RTN4RL1: variants seen among roughly 807,000 people sequenced by gnomAD.
RTN4RL1 encodes the protein reticulon 4 receptor like 1, also known as reticulon-4 receptor-like 1.
Under a neutral mutation model 25.6 loss-of-function variants are expected in RTN4RL1, and 7 were observed. The ratio of observed to expected loss-of-function variants is 0.27; its 90% CI spans 0.16 to 0.51. The LOEUF (loss-of-function observed/expected upper bound fraction) is 0.51, where lower values mean the gene tolerates loss of function less well. Ranked by LOEUF, RTN4RL1 falls within the 20% of genes least tolerant of loss-of-function variation. The pLI is 0.97. For missense variants in RTN4RL1, 500 were observed against 615.6 expected (o/e 0.81, Z 1.99); for synonymous variants, 297 against 288.2 (o/e 1.03, Z -0.31).
chr17:2,007,945 C>A (rs2067012034), intron 1 of RTN4RL1, among the ~76,000 whole-genome samples: 2 of 147,122 alleles, frequency 1.4e-5, no homozygotes, highest in African/African-American at 5.0e-5. Context: ...GACTCCGTCT[C>A]AAAAAAAACC....
Position 1,998,610 on chromosome 17 carries a change from C to G in RTN4RL1, c.13+26243G>C, listed in dbSNP as rs1202535190. On this transcript the variant is annotated intron_variant, in intron 1 of 1. Coordinates refer to ENST00000331238, the MANE Select transcript of RTN4RL1 (RefSeq NM_178568.4). The surrounding 1 kb of genome is among the most constrained non-coding windows in gnomAD (Gnocchi z 4.9). ...GAACGCTGAGGCGGAGGGTGGGGGA[C>G]GTGGGGCCGGCTCGCCTCCTCCTGG... is the stretch of plus-strand genomic sequence containing the variant. 6.6e-6 allele frequency among the ~76,000 whole-genome samples: 1 copy of G among 152,062 alleles called. No homozygotes were observed. The highest frequency in any genetic ancestry group is 1.5e-5 in the Non-Finnish European group (1 of 67,984).
chr17:1,945,678 TC>T (rs1192233042), intron 1 of RTN4RL1, among the ~76,000 whole-genome samples: 1 of 152,134 alleles, frequency 6.6e-6, no homozygotes, highest in Non-Finnish European at 1.5e-5. Context: ...CCCACAGCAT[TC>T]CCCCTCTTCT....
intron 1 of RTN4RL1, among the ~76,000 whole-genome samples, chr17:1,961,267 G>T (rs1388572241): frequency 6.6e-6 from 1 of 152,210 alleles, no homozygotes; most frequent in South Asian, 2.1e-4. Context: ...CGAAGGGAAG[G>T]GGGGCCTGGA....
chr17:2,014,883 T>C (rs1403912825), intron 1 of RTN4RL1, among the ~76,000 whole-genome samples: 1 of 149,816 alleles, frequency 6.7e-6, no homozygotes, highest in East Asian at 1.9e-4. Context: ...AGAAGTTCGG[T>C]AGACCTGGAG....
chr17:1,985,339 C>A (rs1481303391), intron 1 of RTN4RL1, among the ~76,000 whole-genome samples: 1 of 152,236 alleles, frequency 6.6e-6, no homozygotes, highest in African/African-American at 2.4e-5. Flanking sequence ...ACCTTTGGAA[C>A]CTCTTGGGAT....
chr17:1,997,594 C>T (rs150365824), intron 1 of RTN4RL1, among the ~76,000 whole-genome samples: 4 of 152,340 alleles, frequency 2.6e-5, no homozygotes, highest in South Asian at 4.1e-4. Context: ...GAGGATGTCA[C>T]CGTCCCCTCT....
intron 1 of RTN4RL1, among the ~76,000 whole-genome samples, chr17:2,002,638 CCCTT>C (rs201173849): frequency 1.3e-3 from 199 of 152,102 alleles, no homozygotes; most frequent in African/African-American, 3.0e-3. Flanking sequence ...CTCCCTCCCT[CCCTT>C]CCTTCCTTCC....
At chr17:1,961,534 G>A (rs905065529) in intron 1 of RTN4RL1, among the ~76,000 whole-genome samples, 1 of 151,944 alleles carries the variant, frequency 6.6e-6, no homozygotes, top group Non-Finnish European at 1.5e-5. Flanking sequence ...ACACGTAAGG[G>A]ACTGAGAGGA....
intron 1 of RTN4RL1, among the ~76,000 whole-genome samples, chr17:2,004,502 G>A (rs183764673): frequency 9.2e-5 from 14 of 152,258 alleles, no homozygotes; most frequent in Admixed American, 5.9e-4. Flanking sequence ...CAGAGACAAG[G>A]AAGAAGTGGC....
At chr17:1,995,357 C>T (rs551999076) in intron 1 of RTN4RL1, among the ~76,000 whole-genome samples, 2 of 146,294 alleles carry the variant, frequency 1.4e-5, no homozygotes, top group East Asian at 2.0e-4. Flanking sequence ...ACTCGGGAGG[C>T]GGAGGTTGCA....
At chr17:1,960,600 C>T (rs759863104) in intron 1 of RTN4RL1, among the ~76,000 whole-genome samples, 8 of 152,260 alleles carry the variant, frequency 5.3e-5, no homozygotes, top group Non-Finnish European at 1.5e-5. Context: ...CATTTTAAAG[C>T]GTACAATTCA....
At chr17:1,963,359 T>C (rs1199850581) in intron 1 of RTN4RL1, among the ~76,000 whole-genome samples, 1 of 152,218 alleles carries the variant, frequency 6.6e-6, no homozygotes, top group African/African-American at 2.4e-5. Flanking sequence ...GGAGAGGCCC[T>C]TGCCCAAAGC....
chr17:1,969,248 A>G (rs934187368), intron 1 of RTN4RL1, among the ~76,000 whole-genome samples: 1 of 151,858 alleles, frequency 6.6e-6, no homozygotes, highest in African/African-American at 2.4e-5. Context: ...TAGTAGAGAC[A>G]GGATTTCACC....
intron 1 of RTN4RL1, among the ~76,000 whole-genome samples, chr17:1,957,006 C>T (rs1267713373): frequency 6.6e-6 from 1 of 152,236 alleles, no homozygotes; most frequent in Non-Finnish European, 1.5e-5. Context: ...TCCCAAAGTG[C>T]TGGGATTACA....
intron 1 of RTN4RL1, among the ~76,000 whole-genome samples, chr17:2,024,489 G>A (rs553158873): frequency 7.6e-4 from 115 of 152,208 alleles, no homozygotes; most frequent in Middle Eastern, 3.4e-3. Flanking sequence ...GCAGAAGCAA[G>A]GGCGTGTGCC....
rs1428316572 is a variant in RTN4RL1, at chr17:1,937,618, G to A, written c.204C>T (p.Leu68=). The change falls in exon 2 of 2, where the codon CTC becomes CTT. Residue 68 remains leucine (L), a synonymous_variant. Transcript: ENST00000331238. The stretch of plus-strand genomic sequence containing the variant: ...CGGGGCTGAAGTGGCCGGGCTGGAG[G>A]AGGCCGATGCGGTTGTTCTGCAGGA... The part of the protein sequence containing the change: ...RVFLQNNRIG[L]LQPGHFSPAM... 9 of 1,613,826 alleles carry A rather than the reference G, an allele frequency of 5.6e-6. No individual in the cohort carries two copies. Among genetic ancestry groups the A allele is most frequent in the African/African-American group, 1.3e-5 (1 of 74,918 alleles).
intron 1 of RTN4RL1, among the ~76,000 whole-genome samples, chr17:2,000,400 T>C (rs963462888): frequency 6.6e-6 from 1 of 152,052 alleles, no homozygotes; most frequent in Non-Finnish European, 1.5e-5. Context: ...CAGGCTGGAG[T>C]GCAGCGGCAT....
intron 1 of RTN4RL1, among the ~76,000 whole-genome samples, chr17:1,961,157 A>G (rs998126731): frequency 1.3e-5 from 2 of 152,336 alleles, no homozygotes; most frequent in South Asian, 2.1e-4. Flanking sequence ...CCGGTTCACT[A>G]TCAAGCACTC....
intron 1 of RTN4RL1, among the ~76,000 whole-genome samples, chr17:1,938,304 G>GAATTT (rs1383685448): frequency 1.3e-5 from 2 of 151,884 alleles, no homozygotes; most frequent in Non-Finnish European, 2.9e-5. Context: ...ATTTTTTATT[G>GAATTT]AATTTAATTT....
Sources: gnomAD v4.1 joint callset for allele counts (sites outside exome capture counted in the v4.1 genomes callset) on GRCh38, gnomAD v4.1.1 for gene constraint, Gnocchi (gnomAD v3.1) non-coding constraint, MANE v1.5 for transcripts, NCBI Gene and HGNC (gene_info 2026-07-23, HGNC 2026-07-21) for gene names.